Variants in LAMA2 observed in about 807,000 individuals in gnomAD.
LAMA2 encodes the protein laminin subunit alpha-2.
LAMA2 carries 269 observed loss-of-function variants against 364.8 expected under a neutral mutation model. The observed-to-expected ratio is 0.74, with a 90% CI of 0.67 to 0.82. The LOEUF is 0.82. Ranked by LOEUF, LAMA2 falls within the 40% of genes least tolerant of loss-of-function variation. The pLI, the probability that LAMA2 is intolerant of heterozygous loss-of-function variation, is 0.00. For missense variants in LAMA2, 3,807 were observed against 3,873.2 expected (o/e 0.98, Z 0.45); for synonymous variants, 1,379 against 1,370.6 (o/e 1.01, Z -0.14).
At chr6:128,927,324 T>A (rs1053034833) in intron 1 of LAMA2, among the ~76,000 whole-genome samples, 4 of 152,220 alleles carry the variant, frequency 2.6e-5, no homozygotes, top group African/African-American at 9.6e-5. Flanking sequence ...ACATTTTACA[T>A]TCAGTGTACT....
intron 1 of LAMA2, among the ~76,000 whole-genome samples, chr6:128,974,067 C>T (rs558581275): frequency 3.9e-5 from 6 of 152,320 alleles, no homozygotes; most frequent in Admixed American, 6.5e-5. Flanking sequence ...AAATATATCA[C>T]ACAGTCGCCA....
chr6:129,440,398 C>A (rs72981124), intron 42 of LAMA2, among the ~76,000 whole-genome samples: 104 of 151,906 alleles, frequency 6.8e-4, no homozygotes, highest in Non-Finnish European at 1.2e-3. Context: ...GAAAATGTTT[C>A]TCTATCCTAA....
At chr6:129,218,624 T>A (rs1464584262) in intron 12 of LAMA2, among the ~76,000 whole-genome samples, 1 of 152,102 alleles carries the variant, frequency 6.6e-6, no homozygotes, top group African/African-American at 2.4e-5. Flanking sequence ...TTGACTATAA[T>A]AAAGAAATCC....
At chr6:129,316,477 T>C (rs913971817) in intron 27 of LAMA2, among the ~76,000 whole-genome samples, 1 of 152,152 alleles carries the variant, frequency 6.6e-6, no homozygotes, top group African/African-American at 2.4e-5. Context: ...AATTAACTGT[T>C]GTGGTATAAA....
At chr6:129,273,330 G>C (rs531207717) in intron 17 of LAMA2, among the ~76,000 whole-genome samples, 1 of 152,272 alleles carries the variant, frequency 6.6e-6, no homozygotes, top group South Asian at 2.1e-4. Flanking sequence ...TTGCATTTGA[G>C]GAAAGCAGAA....
intron 30 of LAMA2, among the ~76,000 whole-genome samples, chr6:129,343,343 A>T (rs1776371338): frequency 6.6e-6 from 1 of 152,154 alleles, no homozygotes; most frequent in African/African-American, 2.4e-5. Context: ...CTTTCTTCTT[A>T]ATCTTCGGCT....
chr6:128,992,788 C>T (rs975422737), intron 1 of LAMA2, among the ~76,000 whole-genome samples: 4 of 152,130 alleles, frequency 2.6e-5, no homozygotes, highest in Admixed American at 2.0e-4. Context: ...TCAATTTTCC[C>T]GCTTGGCTTT....
chr6:128,962,185 T>TATATATATATATACACACAC (rs1214826895), intron 1 of LAMA2, among the ~76,000 whole-genome samples: 18 of 103,928 alleles, frequency 1.7e-4, no homozygotes, highest in African/African-American at 6.3e-4. Context: ...TATATATATA[T>TATATATATATATACACACAC]ACACACATAC....
In LAMA2 at chr6:128,917,706, T is replaced by TTTTTTTC. The variant is rs1554322937; in HGVS notation, c.112+34352_112+34353insTTTCTTT. Among the ~76,000 whole-genome samples, 536 of 98,290 alleles carry TTTTTTTC rather than the reference T, an allele frequency of 5.5e-3. 1 individual carries two copies. Among genetic ancestry groups the TTTTTTTC allele is most frequent in the Middle Eastern group, 0.023 (3 of 130 alleles). 64.5% of individuals were successfully genotyped at this position (98,290 alleles called of 152,430 possible). On this transcript the variant is annotated intron_variant, in intron 1 of 64. Transcript: ENST00000421865. The stretch of plus-strand genomic sequence containing the variant: ...CTATTATCTGTCCTTTTTCTTTTTT[T>TTTTTTTC]TTTCTTTCTTTCTTTCTTTCTTTCT...
intron 37 of LAMA2, among the ~76,000 whole-genome samples, chr6:129,395,574 T>A (rs1160640643): frequency 6.6e-6 from 1 of 152,192 alleles, no homozygotes; most frequent in African/African-American, 2.4e-5. Flanking sequence ...AGATGCAGCT[T>A]CAAGGTTGAG....
intron 5 of LAMA2, among the ~76,000 whole-genome samples, chr6:129,144,637 G>C (rs1338734689): frequency 6.6e-6 from 1 of 151,982 alleles, no homozygotes; most frequent in Non-Finnish European, 1.5e-5. Flanking sequence ...AAACTTTCCA[G>C]GTGATGCTGA....
intron 57 of LAMA2, 55 bp downstream of exon 57, chr6:129,492,132 TA>T (rs1330132768): frequency 6.5e-7 from 1 of 1,529,774 alleles, no homozygotes; most frequent in Non-Finnish European, 9.1e-7. Flanking sequence ...TTCTTGCTAT[TA>T]GGGGTCCCAA....
chr6:129,149,620 T>C (rs1778676109), intron 7 of LAMA2, among the ~76,000 whole-genome samples: 1 of 152,110 alleles, frequency 6.6e-6, no homozygotes, highest in Admixed American at 6.6e-5. Flanking sequence ...ACATGACAGG[T>C]CTTTAAAACT....
intron 8 of LAMA2, among the ~76,000 whole-genome samples, chr6:129,163,620 G>A (rs1305737636): frequency 1.3e-5 from 2 of 152,118 alleles, no homozygotes; most frequent in Non-Finnish European, 1.5e-5. Flanking sequence ...GCAAGAGAGC[G>A]AGACCCTATC....
At chr6:128,961,344 TATATATATATATATATATATATA>T (rs1562873045) in intron 1 of LAMA2, among the ~76,000 whole-genome samples, 1 of 83,848 alleles carries the variant, frequency 1.2e-5, no homozygotes, top group Non-Finnish European at 2.5e-5. Context: ...TATATATATA[TATATATATATATATATATATATA>T]TTAGTTTATT....
At chr6:128,885,927 C>T (rs551549141) in intron 1 of LAMA2, among the ~76,000 whole-genome samples, 1 of 152,166 alleles carries the variant, frequency 6.6e-6, no homozygotes, top group Non-Finnish European at 1.5e-5. Flanking sequence ...AATGATTCTG[C>T]ATTTCAGCAA....
At chr6:129,026,194 T>G (rs1200573213) in intron 1 of LAMA2, among the ~76,000 whole-genome samples, 1 of 151,380 alleles carries the variant, frequency 6.6e-6, no homozygotes, top group Non-Finnish European at 1.5e-5. Context: ...ATGATATCAA[T>G]TATCTTTCTG....
intron 12 of LAMA2, among the ~76,000 whole-genome samples, chr6:129,233,822 T>C (rs115153178): frequency 1.2e-3 from 187 of 152,344 alleles, no homozygotes; most frequent in African/African-American, 4.2e-3. Flanking sequence ...ATAGAGATTT[T>C]ATGGTATTTG....
At position 129,508,959 on chromosome 6, in the gene LAMA2, G is replaced by A. The variant is rs142511735; in HGVS notation, c.8857+1317G>A. On this transcript the variant is annotated intron_variant, in intron 62 of 64. Transcript: ENST00000421865. Reference sequence around the variant, plus strand: ...CTGCATAGCAGTTGCACTAGTTTACGTTCCCACCAACAGTGTACAAGGGTT... The same window carrying A: ...CTGCATAGCAGTTGCACTAGTTTACATTCCCACCAACAGTGTACAAGGGTT... 2.8e-3 allele frequency among the ~76,000 whole-genome samples: 425 copies of A among 152,174 alleles called. 3 individuals are homozygous for A. Among genetic ancestry groups the A allele is most frequent in the African/African-American group, 9.7e-3 (404 of 41,550 alleles).
Sources: allele counts gnomAD v4.1 joint callset (sites outside exome capture counted in the v4.1 genomes callset), GRCh38; gene constraint gnomAD v4.1.1; transcripts MANE v1.5; gene names NCBI Gene and HGNC (gene_info 2026-07-23, HGNC 2026-07-21).